Variants in LYPD6 observed in about 807,000 individuals in gnomAD.
LYPD6 encodes the protein LY6/PLAUR domain containing 6.
Under a neutral mutation model 22.7 loss-of-function variants are expected in LYPD6, and 15 were observed. The observed-to-expected ratio is 0.66, with a 90% confidence interval of 0.44 to 1.02. The LOEUF (loss-of-function observed/expected upper bound fraction) is 1.02, where lower values mean the gene tolerates loss of function less well. LYPD6 is among the 50% of genes least tolerant of loss of function. LYPD6 has a pLI of 0.00. For missense variants in LYPD6, 189 were observed against 208.4 expected (o/e 0.91, Z 0.57); for synonymous variants, 72 against 77.5 (o/e 0.93, Z 0.37).
chr2:149,478,950 C>T (rs754885562), downstream of LYPD6, among the ~76,000 whole-genome samples: 1 of 152,062 alleles, frequency 6.6e-6, no homozygotes, highest in African/African-American at 2.4e-5. Context: ...CCAGCTACCC[C>T]CTCTCTTTAG....
chr2:149,355,404 A>T (rs75811043), intron 1 of LYPD6, among the ~76,000 whole-genome samples: 4,417 of 152,344 alleles, frequency 0.029, 92 homozygotes, highest in Non-Finnish European at 0.04. Flanking sequence ...AGCATTTTAA[A>T]TACTTTGTCA....
intron 1 of LYPD6, among the ~76,000 whole-genome samples, chr2:149,339,778 A>T (rs142889810): frequency 1.1e-4 from 17 of 152,262 alleles, no homozygotes; most frequent in South Asian, 2.1e-4. Flanking sequence ...TATTCTCTGG[A>T]CAAGAGGATG....
intron 1 of LYPD6, among the ~76,000 whole-genome samples, chr2:149,369,282 T>G (rs1474730044): frequency 2.0e-5 from 3 of 152,156 alleles, no homozygotes; most frequent in Non-Finnish European, 4.4e-5. Context: ...GTTCTGGAAC[T>G]AGGACCCAAA....
intron 1 of LYPD6, among the ~76,000 whole-genome samples, chr2:149,387,793 CGT>C (rs771809827): frequency 3.3e-5 from 5 of 152,120 alleles, no homozygotes; most frequent in African/African-American, 4.8e-5. Flanking sequence ...AAGATGGGAA[CGT>C]GTACTTTTAT....
At chr2:149,439,993 C>T (rs1413374495) in intron 2 of LYPD6, 1 of 152,672 alleles carries the variant, frequency 6.5e-6, no homozygotes, top group Non-Finnish European at 1.5e-5. Context: ...ACTGCCCAGA[C>T]CATCAAGCGT....
chr2:149,332,153 C>T (rs1302557857), intron 1 of LYPD6, among the ~76,000 whole-genome samples: 1 of 152,152 alleles, frequency 6.6e-6, no homozygotes, highest in Non-Finnish European at 1.5e-5. Flanking sequence ...TAGTTTCCAC[C>T]TCGACCAAAG....
intron 2 of LYPD6, 55 bp from the exon 3 acceptor site, chr2:149,448,994 C>A: frequency 2.3e-6 from 3 of 1,313,600 alleles, no homozygotes; most frequent in South Asian, 1.3e-5. Context: ...CTTAACTTCA[C>A]AGGATTCTGT....
chr2:149,448,159 G>A (rs1683728571), intron 2 of LYPD6, among the ~76,000 whole-genome samples: 2 of 152,164 alleles, frequency 1.3e-5, no homozygotes, highest in African/African-American at 4.8e-5. Flanking sequence ...CGGGTATAGT[G>A]GCACATGCCT....
chr2:149,381,253 T>A (rs1682055788), intron 1 of LYPD6, among the ~76,000 whole-genome samples: 1 of 152,156 alleles, frequency 6.6e-6, no homozygotes, highest in African/African-American at 2.4e-5. Flanking sequence ...TTTGGTTTGG[T>A]TTTTGCCTTT....
intron 1 of LYPD6, among the ~76,000 whole-genome samples, chr2:149,362,383 G>T (rs1481908286): frequency 1.3e-5 from 2 of 152,128 alleles, no homozygotes; most frequent in African/African-American, 2.4e-5. Context: ...GGGTAAACCT[G>T]AGTATTTTTA....
chr2:149,393,750 G>A (rs757485784), intron 1 of LYPD6, among the ~76,000 whole-genome samples: 6 of 152,206 alleles, frequency 3.9e-5, no homozygotes, highest in Non-Finnish European at 7.3e-5. Context: ...GCTCTGTACC[G>A]TGAGAGATGA....
intron 2 of LYPD6, among the ~76,000 whole-genome samples, chr2:149,442,991 C>A: frequency 6.6e-6 from 1 of 152,258 alleles, no homozygotes; most frequent in South Asian, 2.1e-4. Flanking sequence ...GTCAACGATA[C>A]GTGCTGATAA....
intron 1 of LYPD6, among the ~76,000 whole-genome samples, chr2:149,404,390 G>C (rs1042348074): frequency 1.3e-5 from 2 of 152,112 alleles, no homozygotes; most frequent in Non-Finnish European, 2.9e-5. Flanking sequence ...CCATTTGTTT[G>C]TATCCTCTTT....
chr2:149,440,986 T>C (rs934040210), intron 2 of LYPD6, among the ~76,000 whole-genome samples: 1 of 152,160 alleles, frequency 6.6e-6, no homozygotes, highest in Non-Finnish European at 1.5e-5. Context: ...ATTACAGGCG[T>C]GAGCCACCGC....
intron 1 of LYPD6, among the ~76,000 whole-genome samples, chr2:149,408,649 C>T (rs1378822371): frequency 3.3e-5 from 5 of 152,098 alleles, no homozygotes; most frequent in African/African-American, 9.7e-5. Context: ...AATTTGAAAG[C>T]CTTGTCTTCA....
intron 1 of LYPD6, among the ~76,000 whole-genome samples, chr2:149,395,835 T>C (rs2105103302): frequency 6.6e-6 from 1 of 152,332 alleles, no homozygotes; most frequent in South Asian, 2.1e-4. Context: ...CTGTTGAATT[T>C]CACCAAATGC....
chr2:149,333,850 A>T (rs1680983810), intron 1 of LYPD6, among the ~76,000 whole-genome samples: 2 of 152,352 alleles, frequency 1.3e-5, no homozygotes, highest in South Asian at 4.1e-4. Flanking sequence ...GCATGTAATG[A>T]TGAATGATAT....
At chr2:149,411,567 G>T (rs1406927581) in intron 1 of LYPD6, among the ~76,000 whole-genome samples, 6 of 152,180 alleles carry the variant, frequency 3.9e-5, no homozygotes, top group Admixed American at 3.3e-4. Context: ...TAGTTAGTGG[G>T]TTGGCAGTGT....
intron 3 of LYPD6, among the ~76,000 whole-genome samples, chr2:149,467,324 A>G: frequency 6.6e-6 from 1 of 152,182 alleles, no homozygotes; most frequent in East Asian, 1.9e-4. Flanking sequence ...GACTCTGCCC[A>G]GGCACACCTG....
Sources: gnomAD v4.1 joint callset for allele counts (sites outside exome capture counted in the v4.1 genomes callset) on GRCh38, gnomAD v4.1.1 for gene constraint, MANE v1.5 for transcripts, NCBI Gene and HGNC (gene_info 2026-07-23, HGNC 2026-07-21) for gene names.